The following ANK2 variants were observed in gnomAD, a reference collection of about 807,000 sequenced individuals.
The protein encoded by ANK2 is ankyrin-2.
In ANK2, 83 loss-of-function variants were observed where a neutral mutation model predicts 360.5. The observed-to-expected ratio is 0.23, with a 90% confidence interval of 0.19 to 0.28. The LOEUF (loss-of-function observed/expected upper bound fraction) is 0.28, where lower values mean the gene tolerates loss of function less well. Among genes scored for constraint, ANK2 ranks in the 10% least tolerant of loss-of-function variants. ANK2 has a pLI of 1.00. For missense variants in ANK2, 4,201 were observed against 4,795.7 expected (o/e 0.88, Z 3.66); for synonymous variants, 1,740 against 1,759.5 (o/e 0.99, Z 0.28).
chr4:113,274,088 C>T (rs919847797), intron 14 of ANK2, among the ~76,000 whole-genome samples: 2 of 152,160 alleles, frequency 1.3e-5, no homozygotes, highest in African/African-American at 4.8e-5. Context: ...AGTGAAAACT[C>T]TTGGATGAGA....
chr4:112,801,998 T>A, the ANK2 span, among the ~76,000 whole-genome samples: 9 of 151,754 alleles, frequency 5.9e-5, no homozygotes, highest in East Asian at 1.9e-4. Context: ...ATGAGAAAAA[T>A]TTATAAATTT....
intron 1 of ANK2, among the ~76,000 whole-genome samples, chr4:112,893,393 G>T (rs545476662): frequency 4.6e-4 from 70 of 152,160 alleles, no homozygotes; most frequent in African/African-American, 1.6e-3. Flanking sequence ...AACCTCCTGA[G>T]CTCAAGCAAT....
At chr4:112,815,502 A>G (rs982635879), upstream of ANK2, among the ~76,000 whole-genome samples, 1 of 152,202 alleles carries the variant, frequency 6.6e-6, no homozygotes, top group Admixed American at 6.5e-5. Flanking sequence ...TTTGCTATTC[A>G]TAAGGCCCTT....
intron 2 of ANK2, chr4:113,034,503 A>AT (rs778185789): frequency 1.6e-4 from 24 of 151,972 alleles, no homozygotes; most frequent in Admixed American, 7.9e-4. Context: ...GTGGGAACAC[A>AT]TTTTTCAGTG....
At chr4:112,915,489 C>T (rs1450804305) in intron 2 of ANK2, among the ~76,000 whole-genome samples, 1 of 152,004 alleles carries the variant, frequency 6.6e-6, no homozygotes, top group African/African-American at 2.4e-5. Context: ...AGTGGCTCAT[C>T]CCTATAGTCC....
At chr4:112,877,739 C>T (rs1390007726) in intron 1 of ANK2, among the ~76,000 whole-genome samples, 2 of 152,142 alleles carry the variant, frequency 1.3e-5, no homozygotes, top group Non-Finnish European at 2.9e-5. Context: ...AGAATCTACA[C>T]TTCTCTTTTT....
At chr4:112,885,790 C>T (rs1327661710) in intron 1 of ANK2, among the ~76,000 whole-genome samples, 3 of 85,010 alleles carry the variant, frequency 3.5e-5, no homozygotes, top group Admixed American at 1.9e-4. Context: ...GAGCAAGACT[C>T]TGTCTCAAAA....
intron 20 of ANK2, 76 bp downstream of exon 20, chr4:113,288,562 A>G: frequency 8.2e-7 from 1 of 1,218,238 alleles, no homozygotes; most frequent in African/African-American, 1.5e-5. Context: ...TAGTTTACCA[A>G]AGCTACAAGT....
chr4:112,803,278 C>T, the ANK2 span, among the ~76,000 whole-genome samples: 4 of 152,018 alleles, frequency 2.6e-5, no homozygotes, highest in Admixed American at 1.3e-4. Flanking sequence ...AAAGGGTCTT[C>T]GCAAATGTGA....
chr4:113,046,617 A>G (rs1579935961), upstream of ANK2, among the ~76,000 whole-genome samples: 2 of 152,090 alleles, frequency 1.3e-5, no homozygotes, highest in African/African-American at 2.4e-5. Flanking sequence ...CCTGGCCCTC[A>G]CCAGACAGTG....
chr4:113,343,251 T>C (rs1588654622), intron 34 of ANK2, 109 bp downstream of exon 34: 4 of 1,243,546 alleles, frequency 3.2e-6, no homozygotes, highest in Non-Finnish European at 4.5e-6. Context: ...CAGAGTTTTC[T>C]TTTTAACCAT....
intron 2 of ANK2, among the ~76,000 whole-genome samples, chr4:113,194,871 T>C (rs1430546256): frequency 6.6e-6 from 1 of 152,158 alleles, no homozygotes; most frequent in Non-Finnish European, 1.5e-5. Flanking sequence ...CTTTAGTTGT[T>C]TCCCATTTGG....
intron 36 of ANK2, among the ~76,000 whole-genome samples, chr4:113,349,784 T>C (rs2095277816): frequency 6.6e-6 from 1 of 152,188 alleles, no homozygotes; most frequent in African/African-American, 2.4e-5. Context: ...CATATTCTTT[T>C]CAGGATCTGG....
intron 2 of ANK2, among the ~76,000 whole-genome samples, chr4:113,010,617 A>G (rs7687726): frequency 0.81 from 122,641 of 151,888 alleles, 49,488 homozygotes; most frequent in South Asian, 0.87. Context: ...GTTGTGATAA[A>G]TGCTAGGAAG....
intron 1 of ANK2, among the ~76,000 whole-genome samples, chr4:112,833,731 C>T (rs1285243765): frequency 2.0e-5 from 3 of 152,214 alleles, no homozygotes; most frequent in Non-Finnish European, 4.4e-5. Context: ...TCTCGATCTC[C>T]TGACCTCGTG....
chr4:113,288,168 T>C (rs1034744221), intron 19 of ANK2, among the ~76,000 whole-genome samples: 26 of 152,208 alleles, frequency 1.7e-4, no homozygotes, highest in Admixed American at 1.7e-3. Flanking sequence ...GCCTCTCTCT[T>C]AGTTCTTTGC....
chr4:113,137,719 T>C (rs1165520308), intron 1 of ANK2, among the ~76,000 whole-genome samples: 2 of 152,204 alleles, frequency 1.3e-5, no homozygotes, highest in Non-Finnish European at 2.9e-5. Context: ...GTGTGATTTA[T>C]AAACTTCTGA....
chr4:113,032,687 T>A (rs1459931395), intron 2 of ANK2, among the ~76,000 whole-genome samples: 2 of 152,160 alleles, frequency 1.3e-5, no homozygotes, highest in Admixed American at 1.3e-4. Context: ...AAAAATCACT[T>A]TAGAGAGAAG....
intron 1 of ANK2, among the ~76,000 whole-genome samples, chr4:113,133,822 A>G (rs1237727338): frequency 6.6e-6 from 1 of 152,162 alleles, no homozygotes; most frequent in Admixed American, 6.6e-5. Flanking sequence ...TTAAGAAGGA[A>G]GGAAGAGGTA....
Sources: allele counts gnomAD v4.1 joint callset (sites outside exome capture counted in the v4.1 genomes callset), GRCh38; gene constraint gnomAD v4.1.1; transcripts MANE v1.5; gene names NCBI Gene and HGNC (gene_info 2026-07-23, HGNC 2026-07-21).